CHD9: variants seen among roughly 807,000 people sequenced by gnomAD.
CHD9 encodes chromodomain helicase DNA binding protein 9.
A neutral mutation model predicts 316.1 loss-of-function variants in CHD9; 77 were observed. That is an observed-to-expected ratio of 0.24 (90% CI 0.20 to 0.29). The LOEUF (loss-of-function observed/expected upper bound fraction) is 0.29, where lower values mean the gene tolerates loss of function less well. CHD9 is among the 10% of genes least tolerant of loss of function. The pLI is 1.00. For missense variants in CHD9, 2,763 were observed against 3,438.1 expected (o/e 0.80, Z 4.91); for synonymous variants, 1,129 against 1,158.3 (o/e 0.97, Z 0.51).
intron 22 of CHD9, among the ~76,000 whole-genome samples, chr16:53,271,801 T>C (rs1043258722): frequency 1.3e-5 from 2 of 152,074 alleles, no homozygotes; most frequent in Non-Finnish European, 2.9e-5. Context: ...GAAGATTGAA[T>C]GATGAATCTG....
intron 2 of CHD9, among the ~76,000 whole-genome samples, chr16:53,205,868 C>T (rs1284492631): frequency 6.6e-6 from 1 of 152,176 alleles, no homozygotes; most frequent in African/African-American, 2.4e-5. Context: ...TGCTAGAGAT[C>T]TCCATTTCAA....
At chr16:53,195,361 A>G (rs374285754) in intron 2 of CHD9, among the ~76,000 whole-genome samples, 10 of 152,332 alleles carry the variant, frequency 6.6e-5, no homozygotes, top group African/African-American at 1.4e-4. Context: ...GTATACGAAT[A>G]TATTTTCTAT....
At chr16:53,248,572 G>A (rs1240427358) in intron 16 of CHD9, among the ~76,000 whole-genome samples, 3 of 139,552 alleles carry the variant, frequency 2.1e-5, no homozygotes, top group African/African-American at 8.2e-5. Context: ...GTTGCCCAGG[G>A]TGTTGTGCAG....
At position 53,179,193 on chromosome 16, in the gene CHD9, T is replaced by A. The variant is rs555056180; in HGVS notation, c.1452+21652T>A. Among the ~76,000 whole-genome samples, 156 of 152,366 alleles carry A rather than the reference T, an allele frequency of 1.0e-3. 1 individual carries two copies. In the Middle Eastern group the frequency reaches 0.024, roughly 23 times the overall value. On this transcript the variant is annotated intron_variant, in intron 2 of 38. Coordinates refer to ENST00000447540, the MANE Select transcript of CHD9 (RefSeq NM_001308319.2). ...CATGAGACTTTACCTCTAACTATTT[T>A]ATTAGACATCTCCCAAGAATGACAT...
intron 12 of CHD9, among the ~76,000 whole-genome samples, chr16:53,241,478 T>C (rs531963160): frequency 3.3e-5 from 5 of 152,338 alleles, no homozygotes; most frequent in Admixed American, 2.6e-4. Flanking sequence ...GTAAACTCTT[T>C]CCTAAATTCC....
intron 1 of CHD9, among the ~76,000 whole-genome samples, chr16:53,143,470 C>T (rs569953964): frequency 6.6e-6 from 1 of 151,840 alleles, no homozygotes; most frequent in East Asian, 1.9e-4. Context: ...TTACTGCAAG[C>T]TCCGCCTCCC....
intron 3 of CHD9, among the ~76,000 whole-genome samples, chr16:53,212,297 C>T (rs1407476267): frequency 1.3e-5 from 2 of 151,262 alleles, no homozygotes. Flanking sequence ...GCCAGCTACT[C>T]GGGAGGCTGA....
chr16:53,166,370 A>G (rs16952044), intron 2 of CHD9, among the ~76,000 whole-genome samples: 47,266 of 151,904 alleles, frequency 0.31, 7,513 homozygotes, highest in Middle Eastern at 0.39. Flanking sequence ...AAACCCAGCT[A>G]TTGGTGAGAA....
At position 53,156,398 on chromosome 16, in the gene CHD9, T is replaced by A; in HGVS notation, c.309T>A (p.Ser103=). Reference sequence around the variant, plus strand: ...CTCCACACTCTCAGTTTAATTGTTCTCCAATCCATCCCCAAAACCAACCCA... The same window carrying A: ...CTCCACACTCTCAGTTTAATTGTTCACCAATCCATCCCCAAAACCAACCCA... The part of the protein sequence containing the change: ...VLSPHSQFNC[S]PIHPQNQPNG... The change falls in exon 2 of 39, where the codon TCT becomes TCA. Residue 103 remains serine, a synonymous_variant. Transcript: ENST00000447540. 6.2e-7 allele frequency: 1 copy of A among 1,614,000 alleles called. No individual in the cohort carries two copies. The highest frequency in any genetic ancestry group is 8.5e-7 in the Non-Finnish European group (1 of 1,179,896).
intron 16 of CHD9, among the ~76,000 whole-genome samples, chr16:53,249,053 TA>T (rs1290609544): frequency 1.3e-5 from 2 of 152,176 alleles, no homozygotes; most frequent in Non-Finnish European, 2.9e-5. Context: ...GTAATTCTTA[TA>T]TTTTTTTAAT....
rs373043361 is a variant in CHD9 at position 53,217,239 on chromosome 16, C to T, written c.1785-5405C>T. Among the ~76,000 whole-genome samples, 164 of 152,182 alleles carry T rather than the reference C, an allele frequency of 1.1e-3. No individual in the cohort carries two copies. In the Middle Eastern group the frequency reaches 0.017, roughly 16 times the overall value. On this transcript the variant is annotated intron_variant, in intron 3 of 38. Transcript: ENST00000447540. ...TCAATTTGAGTTTGTTGGGCATTTTCTCATAAAGAATCTGTATTTTATTTT... is the reference window on the plus strand; with the variant it reads ...TCAATTTGAGTTTGTTGGGCATTTTTTCATAAAGAATCTGTATTTTATTTT...
intron 1 of CHD9, among the ~76,000 whole-genome samples, chr16:53,087,543 TCTTC>T (rs1268291185): frequency 6.6e-6 from 1 of 152,224 alleles, no homozygotes; most frequent in Non-Finnish European, 1.5e-5. Context: ...CCTCACTTTC[TCTTC>T]CTTATCTGTA....
At chr16:53,111,286 CG>C (rs1198359377) in intron 1 of CHD9, among the ~76,000 whole-genome samples, 3 of 152,072 alleles carry the variant, frequency 2.0e-5, no homozygotes, top group African/African-American at 7.2e-5. Context: ...TGGGGAGGGT[CG>C]GGGAATCCCA....
At chr16:53,086,628 A>G (rs995727915) in intron 1 of CHD9, among the ~76,000 whole-genome samples, 1 of 152,248 alleles carries the variant, frequency 6.6e-6, no homozygotes, top group Admixed American at 6.5e-5. Context: ...ATCATTTGTG[A>G]GGTGCATATA....
At chr16:53,158,249 T>C (rs2041659424) in intron 2 of CHD9, among the ~76,000 whole-genome samples, 1 of 152,160 alleles carries the variant, frequency 6.6e-6, no homozygotes, top group African/African-American at 2.4e-5. Context: ...CAGAAGTATA[T>C]ACCCAAAGAT....
chr16:53,222,680 A>G lies in CHD9; in HGVS notation c.1821A>G (p.Arg607=). ...LIITLGKKQK[R]KNESSDEISD... Reference sequence around the variant, plus strand: ...TTACATTGGGTAAGAAACAAAAAAGAAAGAATGAGTCTTCAGATGAAATAT... The same window carrying G: ...TTACATTGGGTAAGAAACAAAAAAGGAAGAATGAGTCTTCAGATGAAATAT... The change falls in exon 4 of 39, where the codon AGA becomes AGG. Residue 607 remains arginine (R), a synonymous_variant. Coordinates refer to ENST00000447540, the MANE Select transcript of CHD9 (RefSeq NM_001308319.2). 4.4e-6 allele frequency: 7 copies of G among 1,574,496 alleles called. No homozygotes were observed. Among genetic ancestry groups the G allele is most frequent in the Non-Finnish European group, 6.1e-6 (7 of 1,152,790 alleles).
chr16:53,299,055 G>T, intron 30 of CHD9: 1 of 184,434 alleles, frequency 5.4e-6, no homozygotes, highest in East Asian at 1.4e-4. Context: ...CCTGGAACCA[G>T]GTGGTGCTGC....
At chr16:53,194,205 A>T (rs2044702956) in intron 2 of CHD9, among the ~76,000 whole-genome samples, 1 of 151,948 alleles carries the variant, frequency 6.6e-6, no homozygotes, top group Admixed American at 6.6e-5. Flanking sequence ...CAGCCTGGGC[A>T]ACAGAGCGAG....
At position 53,157,122 on chromosome 16, in the gene CHD9, C is replaced by A. The variant is rs952153760; in HGVS notation, c.1033C>A (p.Pro345Thr). 6.2e-6 allele frequency: 10 copies of A among 1,610,564 alleles called. No individual in the cohort carries two copies. The African/African-American group carries it at 1.3e-4, about 22-fold the overall frequency. The change falls in exon 2 of 39, where the codon CCT (proline) becomes ACT (threonine). Residue 345 changes from proline (P) to threonine (T), a missense_variant. Transcript: ENST00000447540. ...NNFQILHSSH[P>T]QGNYSNSKLS... ...TTTCCAAATATTGCATTCATCACAT[C>A]CTCAGGGTAATTATAGCAATTCAAA...
Sources: allele counts gnomAD v4.1 joint callset (sites outside exome capture counted in the v4.1 genomes callset), GRCh38; gene constraint gnomAD v4.1.1; transcripts MANE v1.5; gene names NCBI Gene and HGNC (gene_info 2026-07-23, HGNC 2026-07-21).